Variants in CSTPP1 observed in about 807,000 individuals in gnomAD.
CSTPP1 encodes UPF0705 protein C11orf49.
the CSTPP1 span, among the ~76,000 whole-genome samples, chr11:47,053,945 A>C: frequency 2.0e-5 from 3 of 151,994 alleles, no homozygotes; most frequent in Admixed American, 6.6e-5. Context: ...CTGCTTCAAA[A>C]AAACAAACAA....
At chr11:47,100,658 G>A in the CSTPP1 span, among the ~76,000 whole-genome samples, 1 of 152,148 alleles carries the variant, frequency 6.6e-6, no homozygotes, top group Non-Finnish European at 1.5e-5. Context: ...TGGCATGGTG[G>A]CATATGCCTG....
At chr11:47,150,688 G>C in the CSTPP1 span, among the ~76,000 whole-genome samples, 1 of 151,352 alleles carries the variant, frequency 6.6e-6, no homozygotes, top group Admixed American at 6.6e-5. Context: ...GGGTAGAAGG[G>C]ACAGGGAGCA....
At chr11:47,016,839 CT>C in the CSTPP1 span, among the ~76,000 whole-genome samples, 489 of 99,818 alleles carry the variant, frequency 4.9e-3, no homozygotes, top group African/African-American at 0.016. Flanking sequence ...TCATTTAGTA[CT>C]TTTTTTTTTT....
the CSTPP1 span, chr11:47,155,128 T>G: frequency 7.4e-7 from 1 of 1,359,678 alleles, no homozygotes; most frequent in Non-Finnish European, 1.0e-6. Flanking sequence ...CTCCCCTCCT[T>G]AAACCTCTCC....
chr11:47,162,082 G>T, the CSTPP1 span: 33 of 988,306 alleles, frequency 3.3e-5, no homozygotes, highest in Non-Finnish European at 4.0e-5. Flanking sequence ...GTACCAGGAG[G>T]ACATAACCGC....
the CSTPP1 span, among the ~76,000 whole-genome samples, chr11:47,122,762 T>C: frequency 6.6e-6 from 1 of 152,038 alleles, no homozygotes; most frequent in Admixed American, 6.6e-5. Context: ...GTATTTTTAG[T>C]AGAAACGTGG....
the CSTPP1 span, among the ~76,000 whole-genome samples, chr11:47,066,093 G>GGTTTTTTTT: frequency 2.5e-5 from 1 of 39,296 alleles, no homozygotes; most frequent in African/African-American, 1.5e-4. Context: ...TGCCTTGTGG[G>GGTTTTTTTT]TTTTTTTTTT....
At chr11:47,102,639 C>G in the CSTPP1 span, among the ~76,000 whole-genome samples, 1 of 152,182 alleles carries the variant, frequency 6.6e-6, no homozygotes, top group Admixed American at 6.5e-5. Flanking sequence ...GACTGAGAAA[C>G]TTTTCTCAAG....
the CSTPP1 span, among the ~76,000 whole-genome samples, chr11:47,133,816 CT>C: frequency 6.6e-6 from 1 of 152,176 alleles, no homozygotes; most frequent in Non-Finnish European, 1.5e-5. Flanking sequence ...AATTCCAGTT[CT>C]ACCTCTTAAG....
the CSTPP1 span, among the ~76,000 whole-genome samples, chr11:47,145,690 G>T: frequency 6.6e-6 from 1 of 152,154 alleles, no homozygotes; most frequent in Non-Finnish European, 1.5e-5. Flanking sequence ...GGAGTGCAGT[G>T]GTGCATTCAT....
chr11:47,150,789 G>A, the CSTPP1 span, among the ~76,000 whole-genome samples: 1 of 151,992 alleles, frequency 6.6e-6, no homozygotes, highest in Non-Finnish European at 1.5e-5. Flanking sequence ...AATGCAGTGG[G>A]GGAGTCGAGG....
At chr11:47,155,353 C>A in the CSTPP1 span, 1 of 1,111,562 alleles carries the variant, frequency 9.0e-7, no homozygotes, top group Non-Finnish European at 1.4e-6. Flanking sequence ...CTGGCACACA[C>A]GTTTCTCTTC....
At chr11:47,137,428 G>T in the CSTPP1 span, 1 of 1,512,460 alleles carries the variant, frequency 6.6e-7, no homozygotes, top group African/African-American at 1.4e-5. Flanking sequence ...GGTCAAAATG[G>T]TGTAACTGGA....
the CSTPP1 span, chr11:47,164,357 T>C: frequency 8.0e-7 from 1 of 1,243,166 alleles, no homozygotes; most frequent in African/African-American, 1.5e-5. Context: ...GACACCACTT[T>C]GTTTCAATAC....
the CSTPP1 span, among the ~76,000 whole-genome samples, chr11:47,026,016 T>C: frequency 6.6e-6 from 1 of 152,160 alleles, no homozygotes; most frequent in Non-Finnish European, 1.5e-5. Context: ...GATCTGCAGA[T>C]GACTGAGGGA....
At chr11:47,163,378 C>G in the CSTPP1 span, among the ~76,000 whole-genome samples, 2 of 152,120 alleles carry the variant, frequency 1.3e-5, no homozygotes, top group South Asian at 2.1e-4. Context: ...GATCCCAAAG[C>G]TGAATGAGTC....
At chr11:46,997,170 T>G in the CSTPP1 span, among the ~76,000 whole-genome samples, 1 of 152,244 alleles carries the variant, frequency 6.6e-6, no homozygotes. Context: ...GGTTCTGTTC[T>G]CCGCATTACT....
chr11:47,106,462 G>A, the CSTPP1 span, among the ~76,000 whole-genome samples: 1 of 151,976 alleles, frequency 6.6e-6, no homozygotes, highest in African/African-American at 2.4e-5. Context: ...GGCTAACATG[G>A]CAAAACCCCG....
At chr11:47,113,821 TC>T in the CSTPP1 span, among the ~76,000 whole-genome samples, 1 of 152,238 alleles carries the variant, frequency 6.6e-6, no homozygotes, top group African/African-American at 2.4e-5. Flanking sequence ...GATGGTAGTT[TC>T]TTTTGCCATG....
Sources: allele counts gnomAD v4.1 joint callset (sites outside exome capture counted in the v4.1 genomes callset), GRCh38; gene constraint gnomAD v4.1.1; transcripts MANE v1.5; gene names NCBI Gene and HGNC (gene_info 2026-07-23, HGNC 2026-07-21).